FOXN3: variants seen among roughly 807,000 people sequenced by gnomAD.
FOXN3 encodes the protein forkhead box N3, also known as forkhead box protein N3.
Under a neutral mutation model 38.4 loss-of-function variants are expected in FOXN3, and 7 were observed. That is an observed-to-expected ratio of 0.18 (90% confidence interval 0.10 to 0.34). The LOEUF (loss-of-function observed/expected upper bound fraction) is 0.34. Among genes scored for constraint, FOXN3 ranks in the 10% least tolerant of loss-of-function variants. FOXN3 has a pLI of 1.00. For missense variants in FOXN3, 456 were observed against 613.4 expected, an observed-to-expected ratio of 0.74 and a Z score of 2.71; for synonymous variants, 230 against 242.2, an observed-to-expected ratio of 0.95 and a Z score of 0.47.
chr14:89,397,255 T>C (rs898366416), intron 2 of FOXN3, among the ~76,000 whole-genome samples: 7 of 151,744 alleles, frequency 4.6e-5, no homozygotes, highest in Non-Finnish European at 1.0e-4. Flanking sequence ...GGACACATAG[T>C]AGGGAGCAAC....
chr14:89,616,521 A>ACCCCCCCCCCCCCCCCCC (rs1161046760), intron 1 of FOXN3, among the ~76,000 whole-genome samples: 53 of 137,936 alleles, frequency 3.8e-4, no homozygotes, highest in Admixed American at 5.3e-4. Context: ...TCACTCCCCA[A>ACCCCCCCCCCCCCCCCCC]CCCCACCCCC....
At chr14:89,260,733 A>G (rs1885772550) in intron 4 of FOXN3, among the ~76,000 whole-genome samples, 1 of 152,262 alleles carries the variant, frequency 6.6e-6, no homozygotes. Flanking sequence ...TAAGCAGCCC[A>G]AGTGTCGGAA....
intron 1 of FOXN3, among the ~76,000 whole-genome samples, chr14:89,499,679 G>A (rs17779393): frequency 0.011 from 1,604 of 152,244 alleles, 13 homozygotes; most frequent in Non-Finnish European, 0.016. Flanking sequence ...AGAGGAACTG[G>A]TTTTAAAGAC....
intron 1 of FOXN3, among the ~76,000 whole-genome samples, chr14:89,462,535 G>C (rs946859482): frequency 6.6e-6 from 1 of 152,154 alleles, no homozygotes; most frequent in East Asian, 1.9e-4. Context: ...GTAGACACTG[G>C]AAAGTCCAAG....
chr14:89,378,319 G>C (rs1890544153), intron 2 of FOXN3, among the ~76,000 whole-genome samples: 2 of 152,126 alleles, frequency 1.3e-5, no homozygotes, highest in African/African-American at 4.8e-5. Flanking sequence ...CCATCAGCTG[G>C]GGAATACCCA....
intron 1 of FOXN3, among the ~76,000 whole-genome samples, chr14:89,435,264 C>G (rs542742932): frequency 5.9e-5 from 9 of 151,838 alleles, no homozygotes; most frequent in African/African-American, 2.2e-4. Flanking sequence ...ACCTGCTACT[C>G]ATGAGGCTGA....
intron 1 of FOXN3, among the ~76,000 whole-genome samples, chr14:89,600,228 A>G (rs1256207022): frequency 6.6e-6 from 1 of 152,260 alleles, no homozygotes; most frequent in Admixed American, 6.5e-5. Context: ...CTTGAAAATG[A>G]AAGTAGACAC....
At chr14:89,447,345 T>C (rs1352430361) in intron 1 of FOXN3, among the ~76,000 whole-genome samples, 1 of 151,712 alleles carries the variant, frequency 6.6e-6, no homozygotes, top group Non-Finnish European at 1.5e-5. Context: ...TACAGGAGAG[T>C]GAACGCCTAG....
intron 2 of FOXN3, among the ~76,000 whole-genome samples, chr14:89,372,497 C>A (rs1017467443): frequency 6.6e-6 from 1 of 152,164 alleles, no homozygotes; most frequent in Non-Finnish European, 1.5e-5. Flanking sequence ...CAAAATCTTA[C>A]CTGAGCCACT....
At chr14:89,580,147 A>C (rs1895715722) in intron 1 of FOXN3, among the ~76,000 whole-genome samples, 1 of 152,224 alleles carries the variant, frequency 6.6e-6, no homozygotes, top group African/African-American at 2.4e-5. Context: ...CTAGGAAATC[A>C]GTCAAGAGCA....
At position 89,159,512 on chromosome 14, in the gene FOXN3, A is replaced by G. The variant is rs991755330; in HGVS notation, c.*2902T>C. ...CTCTATTTCTCAAAGAGATCAGAAA[A>G]GTAAATCACACACATTGCATTTTAT... On this transcript the variant is annotated 3_prime_UTR_variant, in exon 6 of 6. Transcript: ENST00000557258. The G allele has an allele frequency of 6.5e-6, 1 of 152,698 alleles. No individual in the cohort carries two copies. The allele number at this position is 152,698 out of a possible 1,614,324, so 9.5% of individuals were successfully genotyped here.
At position 89,281,033 on chromosome 14, in the gene FOXN3, T is replaced by G. The variant is rs1257205555; in HGVS notation, c.681-19A>C. On this transcript the variant is annotated intron_variant, in intron 3 of 5. Transcript: ENST00000557258. ...TGATGTGCTGAAAGAGAAAAGAAAC[T>G]AGCATAAGGCCAAGTTCATCTGCAC... The G allele has an allele frequency of 4.3e-6, 7 of 1,610,044 alleles. No homozygotes were observed. The highest frequency in any genetic ancestry group is 5.9e-6 in the Non-Finnish European group (7 of 1,177,902).
At chr14:89,252,254 G>A (rs563801726) in intron 4 of FOXN3, among the ~76,000 whole-genome samples, 10 of 152,342 alleles carry the variant, frequency 6.6e-5, no homozygotes, top group African/African-American at 1.9e-4. Context: ...CTTTTAATAT[G>A]TGAGCTTTTC....
At chr14:89,327,165 G>T (rs1292245230) in intron 3 of FOXN3, among the ~76,000 whole-genome samples, 1 of 152,168 alleles carries the variant, frequency 6.6e-6, no homozygotes, top group Non-Finnish European at 1.5e-5. Context: ...ATGACATGCA[G>T]TGAGAGATCA....
intron 2 of FOXN3, among the ~76,000 whole-genome samples, chr14:89,359,123 T>C (rs1889351344): frequency 1.3e-5 from 2 of 151,988 alleles, no homozygotes; most frequent in East Asian, 1.9e-4. Context: ...TGGTGAAACC[T>C]GTCTCTGCTA....
At chr14:89,259,568 A>C (rs1335740113) in intron 4 of FOXN3, among the ~76,000 whole-genome samples, 2 of 152,228 alleles carry the variant, frequency 1.3e-5, no homozygotes, top group African/African-American at 4.8e-5. Flanking sequence ...ATAAAATAAA[A>C]TAAGATAAAA....
At chr14:89,581,503 A>G (rs1895738163) in intron 1 of FOXN3, among the ~76,000 whole-genome samples, 2 of 151,822 alleles carry the variant, frequency 1.3e-5, no homozygotes, top group South Asian at 4.1e-4. Flanking sequence ...AAAAAGAGAA[A>G]GATAGAATAG....
intron 1 of FOXN3, among the ~76,000 whole-genome samples, chr14:89,510,123 G>C (rs1894026421): frequency 6.6e-6 from 1 of 152,178 alleles, no homozygotes; most frequent in Admixed American, 6.5e-5. Flanking sequence ...GGGAAGATTA[G>C]AGAAAAGCAG....
At chr14:89,329,158 GC>G (rs1352648075) in intron 3 of FOXN3, among the ~76,000 whole-genome samples, 1 of 152,192 alleles carries the variant, frequency 6.6e-6, no homozygotes, top group Non-Finnish European at 1.5e-5. Context: ...CCAAGATATA[GC>G]ACCCCTCACG....
Sources: gnomAD v4.1 joint callset for allele counts (sites outside exome capture counted in the v4.1 genomes callset) on GRCh38, gnomAD v4.1.1 for gene constraint, MANE v1.5 for transcripts, NCBI Gene and HGNC (gene_info 2026-07-23, HGNC 2026-07-21) for gene names.